The following LINC00632 variants were observed in gnomAD, a reference collection of about 807,000 sequenced individuals.
LINC00632 encodes ALDOA related specific transcript.
At chrX:140,756,645 C>T (rs754790046) in intron 3 of LINC00632, among the ~76,000 whole-genome samples, 1 of 111,684 alleles carries the variant, frequency 9.0e-6, no homozygotes, top group South Asian at 3.7e-4. Context: ...GGGGCTTTAC[C>T]CTAGCCCACA....
chrX:140,711,284 AATTACT>A (rs1930511048), intron 1 of LINC00632, among the ~76,000 whole-genome samples: 1 of 111,684 alleles, frequency 9.0e-6, no homozygotes, highest in Non-Finnish European at 1.9e-5. Flanking sequence ...ACTTAGAGAT[AATTACT>A]ATTAATCTTA....
intron 2 of LINC00632, among the ~76,000 whole-genome samples, chrX:140,720,372 T>C (rs1225113415): frequency 9.0e-6 from 1 of 111,365 alleles, no homozygotes; most frequent in Non-Finnish European, 1.9e-5. Context: ...ATCTGAAACA[T>C]AGAGATACAT....
chrX:140,788,929 GT>G (rs1932066164), exon 5 of LINC00632, among the ~76,000 whole-genome samples: 1 of 102,836 alleles, frequency 9.7e-6, no homozygotes, highest in Admixed American at 1.1e-4. Context: ...GTGTGTGTGT[GT>G]GTGTTTTATA....
intron 2 of LINC00632, among the ~76,000 whole-genome samples, chrX:140,728,656 T>G (rs1249021872): frequency 1.8e-5 from 2 of 111,884 alleles, no homozygotes; most frequent in Non-Finnish European, 3.8e-5. Flanking sequence ...TAATGAAAGG[T>G]GTGTCCTTCA....
At chrX:140,774,243 A>G (rs1931844422) in exon 4 of LINC00632, among the ~76,000 whole-genome samples, 1 of 112,418 alleles carries the variant, frequency 8.9e-6, no homozygotes, top group Non-Finnish European at 1.9e-5. Flanking sequence ...TCTACTCCAC[A>G]AATGAAATTG....
intron 2 of LINC00632, among the ~76,000 whole-genome samples, chrX:140,722,284 C>G (rs1266486899): frequency 4.6e-5 from 5 of 109,303 alleles, no homozygotes; most frequent in African/African-American, 1.7e-4. Flanking sequence ...GCACACTGTC[C>G]CCACAAACAC....
Position 140,747,835 on chromosome X carries a change from GTTTTTTTCT to G in LINC00632, n.191+13872_191+13880del, listed in dbSNP as rs1931350435. The stretch of plus-strand genomic sequence containing the variant: ...ACTCTTCTCTCCTCTTTGTCCAACA[GTTTTTTTCT>G]GAGACAGAGTTTCACTCTTGTCGCC... On this transcript the variant is annotated intron_variant and non_coding_transcript_variant, in intron 3 of 4. Transcript: ENST00000648200. Among the ~76,000 whole-genome samples, 24 of 111,344 alleles carry G rather than the reference GTTTTTTTCT, an allele frequency of 2.2e-4. 1 individual carries two copies. The Admixed American group carries it at 2.3e-3, about 11-fold the overall frequency.
chrX:140,736,204 T>C (rs1931140727), intron 3 of LINC00632, among the ~76,000 whole-genome samples: 2 of 110,910 alleles, frequency 1.8e-5, no homozygotes, highest in South Asian at 7.5e-4. Context: ...TTCTGATATA[T>C]AATTTTAAAT....
At chrX:140,780,003 G>A (rs1931913389) in exon 5 of LINC00632, among the ~76,000 whole-genome samples, 1 of 111,146 alleles carries the variant, frequency 9.0e-6, no homozygotes, top group African/African-American at 3.3e-5. Context: ...GTAATCACAC[G>A]GATCTGCTTT....
intron 3 of LINC00632, among the ~76,000 whole-genome samples, chrX:140,739,933 A>G (rs1602742144): frequency 8.9e-6 from 1 of 112,274 alleles, no homozygotes; most frequent in East Asian, 2.8e-4. Context: ...CCTAATGAAA[A>G]CACCTTTTCT....
intron 3 of LINC00632, among the ~76,000 whole-genome samples, chrX:140,762,996 C>G (rs760821806): frequency 2.2e-4 from 25 of 111,794 alleles, no homozygotes; most frequent in Non-Finnish European, 3.9e-4. Context: ...ACACATATTT[C>G]AATGTGGTTA....
chrX:140,740,696 C>T (rs1318383916), intron 3 of LINC00632, among the ~76,000 whole-genome samples: 3 of 110,995 alleles, frequency 2.7e-5, no homozygotes, highest in African/African-American at 9.8e-5. Context: ...GCACAGGGCC[C>T]CTTGCTTACA....
chrX:140,788,431 T>C (rs1932050389), exon 5 of LINC00632, among the ~76,000 whole-genome samples: 2 of 110,606 alleles, frequency 1.8e-5, no homozygotes, highest in African/African-American at 6.5e-5. Context: ...TGTACATTTG[T>C]CTTTCATTAT....
intron 2 of LINC00632, among the ~76,000 whole-genome samples, chrX:140,727,441 G>A (rs758510196): frequency 1.8e-5 from 2 of 111,158 alleles, no homozygotes; most frequent in South Asian, 3.8e-4. Flanking sequence ...ACAGGTGCCC[G>A]CCACTACGCC....
intron 2 of LINC00632, among the ~76,000 whole-genome samples, chrX:140,717,694 C>T (rs1477929698): frequency 9.0e-6 from 1 of 111,728 alleles, no homozygotes; most frequent in African/African-American, 3.3e-5. Context: ...ATATTCAGGT[C>T]TCAGACTGTC....
intron 1 of LINC00632, among the ~76,000 whole-genome samples, chrX:140,711,028 T>C (rs985799725): frequency 1.8e-5 from 2 of 111,634 alleles, no homozygotes; most frequent in African/African-American, 6.5e-5. Context: ...CTATACATAC[T>C]GACATGCAAA....
intron 2 of LINC00632, among the ~76,000 whole-genome samples, chrX:140,724,046 TCTGTATGCACA>T (rs1457084628): frequency 4.9e-5 from 1 of 20,294 alleles, no homozygotes; most frequent in African/African-American, 1.5e-4. Context: ...ACACACACAT[TCTGTATGCACA>T]CACACACATT....
intron 3 of LINC00632, among the ~76,000 whole-genome samples, chrX:140,751,401 T>C (rs2148393153): frequency 9.0e-6 from 1 of 110,700 alleles, no homozygotes; most frequent in East Asian, 2.8e-4. Context: ...TTCATATGTT[T>C]GTTGGCTGTT....
At chrX:140,739,745 A>C (rs2148388358) in intron 3 of LINC00632, among the ~76,000 whole-genome samples, 1 of 110,058 alleles carries the variant, frequency 9.1e-6, no homozygotes, top group East Asian at 2.9e-4. Context: ...CCCCTATTCA[A>C]CCACCTTCTG....
Sources: allele counts gnomAD v4.1 joint callset (sites outside exome capture counted in the v4.1 genomes callset), GRCh38; gene constraint gnomAD v4.1.1; transcripts MANE v1.5; gene names NCBI Gene and HGNC (gene_info 2026-07-23, HGNC 2026-07-21).